Variants in METTL9 observed in about 807,000 individuals in gnomAD.
The protein encoded by METTL9 is protein-L-histidine N-pros-methyltransferase.
A neutral mutation model predicts 36.0 loss-of-function variants in METTL9; 10 were observed. The ratio of observed to expected loss-of-function variants is 0.28; its 90% CI spans 0.17 to 0.47. The LOEUF (loss-of-function observed/expected upper bound fraction) is 0.47. Ranked by LOEUF, METTL9 falls within the 20% of genes least tolerant of loss-of-function variation. The probability of loss-of-function intolerance (pLI) is 0.99; values close to 1 mark genes in which losing one functional copy is unlikely to be tolerated. For missense variants in METTL9, 246 were observed against 383.5 expected (o/e 0.64, Z 3.00); for synonymous variants, 175 against 149.7 (o/e 1.17, Z -1.23).
At chr16:21,643,524 T>C (rs916780001) in intron 4 of METTL9, 6 of 1,482,416 alleles carry the variant, frequency 4.0e-6, no homozygotes, top group Non-Finnish European at 5.6e-6. Flanking sequence ...ATTTAAAAAA[T>C]ATTTTTCAAG....
rs749870474 is a variant in METTL9, at chr16:21,599,881, A to T, written c.148A>T (p.Arg50Trp). The T allele has an allele frequency of 6.8e-7, 1 of 1,466,158 alleles. No homozygotes were observed. The highest frequency in any genetic ancestry group is 1.3e-5 in the South Asian group (1 of 77,232). 90.8% of individuals were successfully genotyped at this position (1,466,158 alleles called of 1,614,324 possible). The change falls in exon 1 of 5, where the codon AGG becomes TGG. Residue 50 changes from arginine to tryptophan, a missense_variant. By Grantham distance (101) the Arg-to-Trp change is moderately radical (BLOSUM62 -3). Around this residue, in one of 2 missense-constraint regions of METTL9, gnomAD observed 100 missense variants for 81.4 expected, o/e 1.23. Coordinates refer to ENST00000358154, the MANE Select transcript of METTL9 (RefSeq NM_016025.5). The surrounding 1 kb of genome is among the most constrained non-coding windows in gnomAD (Gnocchi z 4.4). The part of the protein sequence containing the change: ...PGGPAAAAGG[R>W]KENHQWYVCN... ...TGGGCCGGCGGCGGCCGCGGGCGGC[A>T]GGAAGGAGAACCACCAGGTACGGGC...
At chr16:21,653,002 G>C in intron 4 of METTL9, 1 of 174,176 alleles carries the variant, frequency 5.7e-6, no homozygotes, top group Admixed American at 6.3e-5. Context: ...ACAAAGAACA[G>C]CAGAAGGAGA....
intron 1 of METTL9, among the ~76,000 whole-genome samples, chr16:21,603,185 G>A (rs970535289): frequency 3.3e-5 from 5 of 151,716 alleles, no homozygotes; most frequent in African/African-American, 1.2e-4. Context: ...TGTCACCCAG[G>A]CTGGAGTGTA....
chr16:21,629,657 G>A (rs566222957), intron 4 of METTL9, among the ~76,000 whole-genome samples: 4 of 152,272 alleles, frequency 2.6e-5, no homozygotes, highest in East Asian at 3.9e-4. Context: ...AAGGTGGCAC[G>A]GACCCAAAGC....
intron 4 of METTL9, among the ~76,000 whole-genome samples, chr16:21,649,813 A>G (rs749144112): frequency 3.3e-5 from 5 of 152,074 alleles, no homozygotes; most frequent in East Asian, 1.9e-4. Context: ...GGCTCAAGCA[A>G]TCCTCTCACT....
intron 4 of METTL9, among the ~76,000 whole-genome samples, chr16:21,631,355 T>G (rs1965956409): frequency 6.6e-6 from 1 of 152,200 alleles, no homozygotes; most frequent in Non-Finnish European, 1.5e-5. Flanking sequence ...GTTGAAAACC[T>G]TTTAAGTTTG....
intron 1 of METTL9, among the ~76,000 whole-genome samples, chr16:21,601,925 A>G (rs972149027): frequency 6.6e-6 from 1 of 152,202 alleles, no homozygotes; most frequent in South Asian, 2.1e-4. Flanking sequence ...TCGTGCATGA[A>G]TAAAGATTAA....
At position 21,643,157 on chromosome 16, in the gene METTL9, A is replaced by T. The variant is rs755976806; in HGVS notation, c.752-12070A>T. ...AAAATACGCCGAGCACTCTTCTTCT[A>T]TAAAGACAAATGAGAAAAAAAAATT... On this transcript the variant is annotated intron_variant, in intron 4 of 4. Coordinates refer to ENST00000358154, the MANE Select transcript of METTL9 (RefSeq NM_016025.5). 3.8e-6 allele frequency: 6 copies of T among 1,596,552 alleles called. No homozygotes were observed. The East Asian group carries it at 1.3e-4, about 36-fold the overall frequency.
chr16:21,624,854 T>G, intron 3 of METTL9, 77 bp from the exon 4 acceptor site: 1 of 1,307,376 alleles, frequency 7.6e-7, no homozygotes, highest in Admixed American at 1.8e-5. Flanking sequence ...GTTAAAGCCT[T>G]TATTGTCATC....
chr16:21,643,523 A>G (rs759248892), intron 4 of METTL9: 7 of 1,467,884 alleles, frequency 4.8e-6, no homozygotes, highest in Non-Finnish European at 1.9e-6. Flanking sequence ...AATTTAAAAA[A>G]TATTTTTCAA....
At chr16:21,600,432 AT>A (rs1312077478) in intron 1 of METTL9, among the ~76,000 whole-genome samples, 1 of 152,158 alleles carries the variant, frequency 6.6e-6, no homozygotes, top group Non-Finnish European at 1.5e-5. Context: ...TTGGGGTGAC[AT>A]TTCTCCCTAA....
chr16:21,605,094 TGA>T (rs2152892584), intron 1 of METTL9, among the ~76,000 whole-genome samples: 1 of 151,598 alleles, frequency 6.6e-6, no homozygotes, highest in South Asian at 2.1e-4. Context: ...AAAGTGAGGG[TGA>T]GAGAGAGAAG....
At position 21,618,116 on chromosome 16, in the gene METTL9, A is replaced by G. The variant is rs758765804; in HGVS notation, c.566+42A>G. The G allele has an allele frequency of 1.6e-5, 22 of 1,359,258 alleles. No individual in the cohort carries two copies. In the African/African-American group the frequency reaches 2.2e-4, roughly 14 times the overall value. The allele number at this position is 1,359,258 out of a possible 1,614,324, so 84.2% of individuals were successfully genotyped here. On this transcript the variant is annotated intron_variant, in intron 3 of 4. Coordinates refer to ENST00000358154, the MANE Select transcript of METTL9 (RefSeq NM_016025.5). Reference sequence around the variant, plus strand: ...TTTAGATGCATTTCTTCTTGAAAGTATATTATTTAAAGGATATGAATAAAA... The same window carrying G: ...TTTAGATGCATTTCTTCTTGAAAGTGTATTATTTAAAGGATATGAATAAAA...
intron 2 of METTL9, among the ~76,000 whole-genome samples, chr16:21,616,959 T>G (rs781620188): frequency 6.6e-6 from 1 of 152,200 alleles, no homozygotes; most frequent in Non-Finnish European, 1.5e-5. Flanking sequence ...CATTCATCTC[T>G]TACTTATTTC....
At chr16:21,614,548 CCTT>C (rs1385766993) in intron 2 of METTL9, among the ~76,000 whole-genome samples, 3 of 152,194 alleles carry the variant, frequency 2.0e-5, no homozygotes, top group Non-Finnish European at 2.9e-5. Flanking sequence ...TGCTTTCAGT[CCTT>C]CTTGCCTTGT....
chr16:21,601,916 C>T (rs547489818), intron 1 of METTL9, among the ~76,000 whole-genome samples: 1 of 152,000 alleles, frequency 6.6e-6, no homozygotes, highest in African/African-American at 2.4e-5. Flanking sequence ...TGAAAATAAT[C>T]GTGCATGAAT....
chr16:21,637,726 C>G (rs1966140118), intron 4 of METTL9, among the ~76,000 whole-genome samples: 1 of 152,244 alleles, frequency 6.6e-6, no homozygotes, highest in Admixed American at 6.5e-5. Flanking sequence ...CGCAGCCCGG[C>G]TCCTGCCCGT....
At position 21,652,652 on chromosome 16, in the gene METTL9, TC is replaced by T; in HGVS notation, c.752-2574del. 12 of 1,437,276 alleles carry T rather than the reference TC, an allele frequency of 8.3e-6. No individual in the cohort carries two copies. In the South Asian group the frequency reaches 1.5e-4, roughly 18 times the overall value. The allele number at this position is 1,437,276 out of a possible 1,614,324, so 89.0% of individuals were successfully genotyped here. On this transcript the variant is annotated intron_variant, in intron 4 of 4. Coordinates refer to ENST00000358154, the MANE Select transcript of METTL9 (RefSeq NM_016025.5). ...GTGTATTTGAAAGGAAAGTTGGCTT[TC>T]TTTTTTCAGAAGGGAAGAAGAGCTG... is the stretch of plus-strand genomic sequence containing the variant.
intron 3 of METTL9, among the ~76,000 whole-genome samples, chr16:21,619,716 G>A (rs1209605805): frequency 1.3e-5 from 2 of 151,772 alleles, no homozygotes; most frequent in Admixed American, 6.6e-5. Context: ...GATTACAGGC[G>A]TGAGCCACTG....
Sources: allele counts gnomAD v4.1 joint callset (sites outside exome capture counted in the v4.1 genomes callset), GRCh38; gene constraint gnomAD v4.1.1; regional missense constraint gnomAD v4.1.1; non-coding constraint Gnocchi (gnomAD v3.1); transcripts MANE v1.5; gene names NCBI Gene and HGNC (gene_info 2026-07-23, HGNC 2026-07-21).